F8: variants seen among roughly 807,000 people sequenced by gnomAD.
F8 encodes the protein antihemophilic factor.
In F8, 12 loss-of-function variants were observed where a neutral mutation model predicts 140.6. The ratio of observed to expected loss-of-function variants is 0.09; its 90% CI spans 0.05 to 0.14. F8 has a LOEUF of 0.14. F8 is among the 10% of genes least tolerant of loss of function. The pLI is 1.00. For synonymous variants in F8, 585 were observed against 614.6 expected, an observed-to-expected ratio of 0.95 and a Z score of 0.71; for missense variants, 1,354 against 1,720.7, an observed-to-expected ratio of 0.79 and a Z score of 3.77.
rs782719987 is a variant in F8, at chrX:154,858,992, TTGCTCTCCCTAATGTGGGAGGCATCA to T, written c.6900+1414_6900+1439del. Reference sequence around the variant, plus strand: ...AAGTCAGTAGACTGAGTAAAGCAGATTGCTCTCCCTAATGTGGGAGGCATCATCCAATTAGTTGAAGGCCTGAATAG... The same window carrying T: ...AAGTCAGTAGACTGAGTAAAGCAGATTCCAATTAGTTGAAGGCCTGAATAG... On this transcript the variant is annotated intron_variant, in intron 25 of 25. Transcript: ENST00000360256. Among the ~76,000 whole-genome samples, 53 of 112,346 alleles carry T rather than the reference TTGCTCTCCCTAATGTGGGAGGCATCA, an allele frequency of 4.7e-4. No individual in the cohort carries two copies. In the Middle Eastern group the frequency reaches 0.014, roughly 29 times the overall value.
At chrX:154,969,297 T>C in intron 7 of F8, 34 bp downstream of exon 7, 1 of 1,142,644 alleles carries the variant, frequency 8.8e-7, no homozygotes, top group Non-Finnish European at 1.2e-6. Context: ...GACTGGATAT[T>C]TATAATATTC....
rs369069972 is a variant in F8, at chrX:155,007,489, C to T, written c.144-7889G>A. ...CCCAATATGCCATATTGGGCCCAACCCCTGGGCCCCTGACCAGTACTGGTC... is the reference window on the plus strand; with the variant it reads ...CCCAATATGCCATATTGGGCCCAACTCCTGGGCCCCTGACCAGTACTGGTC... On this transcript the variant is annotated intron_variant, in intron 1 of 25. Transcript: ENST00000360256. 2.7e-5 allele frequency among the ~76,000 whole-genome samples: 3 copies of T among 111,621 alleles called. No individual in the cohort carries two copies. The East Asian group carries it at 8.5e-4, about 31-fold the overall frequency.
rs1557287587 is a variant in F8, at chrX:155,022,465, C to G, written c.88G>C (p.Glu30Gln). 1 of 1,210,879 alleles carries G rather than the reference C, an allele frequency of 8.3e-7. No individual in the cohort carries two copies. Among genetic ancestry groups the G allele is most frequent in the Admixed American group, 2.2e-5 (1 of 45,957 alleles). The change falls in exon 1 of 26, where the codon GAA becomes CAA. Residue 30 changes from glutamate (E) to glutamine (Q), a missense_variant. Around this residue, in one of 4 missense-constraint regions of F8, gnomAD observed 128 missense variants for 230.4 expected, o/e 0.56. Transcript: ENST00000360256. The part of the protein sequence containing the change: ...ATRRYYLGAV[E>Q]LSWDYMQSDL... ...CTTTGCATATAGTCCCATGACAGTT[C>G]CACTGCACCCAGGTAGTATCTTCTG...
intron 25 of F8, among the ~76,000 whole-genome samples, chrX:154,841,644 G>A (rs1388700411): frequency 9.0e-6 from 1 of 110,735 alleles, no homozygotes; most frequent in Non-Finnish European, 1.9e-5. Context: ...CAATGAGTTT[G>A]TTTCATCATA....
At chrX:154,940,162 G>C (rs1287460042) in intron 13 of F8, among the ~76,000 whole-genome samples, 1 of 112,302 alleles carries the variant, frequency 8.9e-6, no homozygotes, top group African/African-American at 3.2e-5. Flanking sequence ...AAAGCTGGAT[G>C]GAGAATGACT....
chrX:154,837,892 G>A (rs1341580773), intron 25 of F8, 140 bp from the exon 26 acceptor site: 2 of 593,781 alleles, frequency 3.4e-6, no homozygotes, highest in Admixed American at 2.8e-5. Flanking sequence ...TCTGTCCTAC[G>A]CATCTGGGAC....
At chrX:154,846,748 CTG>C (rs1332564558) in intron 25 of F8, among the ~76,000 whole-genome samples, 1 of 111,852 alleles carries the variant, frequency 8.9e-6, no homozygotes, top group Non-Finnish European at 1.9e-5. Flanking sequence ...ATGTGCCAGT[CTG>C]TGTCTTTTAA....
intron 1 of F8, among the ~76,000 whole-genome samples, chrX:155,004,679 G>T (rs2073667063): frequency 8.9e-6 from 1 of 112,029 alleles, no homozygotes; most frequent in South Asian, 3.7e-4. Context: ...CAGTTGCTTG[G>T]TGAGCCTCAG....
intron 25 of F8, among the ~76,000 whole-genome samples, chrX:154,849,564 C>G (rs2072597970): frequency 9.5e-6 from 1 of 105,530 alleles, no homozygotes; most frequent in South Asian, 4.6e-4. Flanking sequence ...GTAGCTGGGA[C>G]TACAGGTGTG....
At chrX:154,932,472 C>T (rs782099957) in intron 13 of F8, among the ~76,000 whole-genome samples, 2 of 111,988 alleles carry the variant, frequency 1.8e-5, no homozygotes, top group East Asian at 5.6e-4. Context: ...CGTTGGGTAC[C>T]TCAATAGCCT....
chrX:154,855,089 C>T (rs782296309), intron 25 of F8, among the ~76,000 whole-genome samples: 9 of 111,641 alleles, frequency 8.1e-5, no homozygotes, highest in Admixed American at 2.8e-4. Context: ...CACTGCACTC[C>T]GGCCTGGGTG....
At chrX:154,911,268 CCCACA>C (rs2073066075) in intron 14 of F8, among the ~76,000 whole-genome samples, 1 of 107,867 alleles carries the variant, frequency 9.3e-6, no homozygotes, top group Admixed American at 9.8e-5. Flanking sequence ...ACGAGAAACA[CCCACA>C]GTGTTTCTCG....
intron 14 of F8, among the ~76,000 whole-genome samples, chrX:154,916,216 G>T (rs1225420721): frequency 4.5e-5 from 5 of 111,945 alleles, no homozygotes; most frequent in African/African-American, 1.6e-4. Flanking sequence ...CTAGTACTTT[G>T]TTGAGGATTT....
chrX:154,935,170 G>A (rs1603433927), intron 13 of F8, among the ~76,000 whole-genome samples: 1 of 110,789 alleles, frequency 9.0e-6, no homozygotes, highest in African/African-American at 3.3e-5. Flanking sequence ...CACAAAAAGA[G>A]AAAGGAACAA....
intron 25 of F8, among the ~76,000 whole-genome samples, chrX:154,843,152 C>T (rs1407629625): frequency 8.9e-6 from 1 of 112,013 alleles, no homozygotes; most frequent in African/African-American, 3.2e-5. Flanking sequence ...GCATAGTATT[C>T]CATGGTGTAT....
At position 154,956,985 on chromosome X, in the gene F8, T is replaced by G. The variant is rs2073367952; in HGVS notation, c.1724A>C (p.Lys575Thr). 8.3e-7 allele frequency: 1 copy of G among 1,211,357 alleles called. No homozygotes were observed. ...GLIGPLLICY[K>T]ESVDQRGNQI... ...GTTTCCTCTTTGATCTACAGATTCT[T>G]TGTAGCAGATGAGGAGAGGGCCAAT... The change falls in exon 11 of 26, where the codon AAA becomes ACA. Residue 575 changes from lysine to threonine, a missense_variant. This residue lies in a region of F8 where 252 missense variants were observed against 338.5 expected (regional missense o/e 0.74). Coordinates refer to ENST00000360256, the MANE Select transcript of F8 (RefSeq NM_000132.4).
rs1557281247 is a variant in F8, at chrX:154,957,037, T to C, written c.1672A>G (p.Met558Val). The C allele has an allele frequency of 8.3e-7, 1 of 1,211,025 alleles. No individual in the cohort carries two copies. Among genetic ancestry groups the C allele is most frequent in the Non-Finnish European group, 1.1e-6 (1 of 894,890 alleles). ...AGTCCTGAAGCTAGATCTCTCTCCA[T>C]ATTAACGAAACTAGAGTAATAGCGG... ...LTRYYSSFVN[M>V]ERDLASGLIG... The change falls in exon 11 of 26, where the codon ATG becomes GTG. Residue 558 changes from methionine (M) to valine (V), a missense_variant. Transcript: ENST00000360256.
chrX:154,888,327 A>T (rs1380726652), intron 22 of F8, among the ~76,000 whole-genome samples: 3 of 72,486 alleles, frequency 4.1e-5, no homozygotes, highest in Non-Finnish European at 2.4e-5. Flanking sequence ...TTCTGGTTCC[A>T]TTCGCAGAGG....
At position 154,947,797 on chromosome X, in the gene F8, A is replaced by G. The variant is rs1239899897; in HGVS notation, c.2014T>C (p.Phe672Leu). The G allele has an allele frequency of 8.3e-7, 1 of 1,207,435 alleles. No individual in the cohort carries two copies. Residue 672 changes from phenylalanine to leucine, a missense_variant, in exon 13 of 26, where the codon TTC becomes CTC. Physicochemically the swap from Phe to Leu is conservative, Grantham distance 22 (BLOSUM62 0). Transcript: ENST00000360256. ...TTGTGTTTGAAGGTATATCCAGAGA[A>G]GAAGACAGAAAGGAAGTCAGTCTGT... ...GAQTDFLSVF[F>L]SGYTFKHKMV...
Sources: allele counts gnomAD v4.1 joint callset (sites outside exome capture counted in the v4.1 genomes callset), GRCh38; gene constraint gnomAD v4.1.1; regional missense constraint gnomAD v4.1.1; transcripts MANE v1.5; gene names NCBI Gene and HGNC (gene_info 2026-07-23, HGNC 2026-07-21).